SPATA31H1: variants seen among roughly 807,000 people sequenced by gnomAD.
SPATA31H1 encodes SPATA31 subfamily H member 1.
chr2:27,578,208 C>T, the SPATA31H1 span: 3 of 1,614,158 alleles, frequency 1.9e-6, no homozygotes, highest in Non-Finnish European at 2.5e-6. Flanking sequence ...GACTCCAAAA[C>T]TGCAATATGT....
the SPATA31H1 span, among the ~76,000 whole-genome samples, chr2:27,543,398 T>C: frequency 6.6e-6 from 1 of 152,194 alleles, no homozygotes; most frequent in Admixed American, 6.5e-5. Flanking sequence ...TGTCTACTTT[T>C]TCTTCTGTAA....
the SPATA31H1 span, chr2:27,572,250 C>T: frequency 5.0e-6 from 2 of 398,336 alleles, no homozygotes; most frequent in Admixed American, 4.4e-5. Context: ...CCAAGTGAAA[C>T]CCTTGGGCTC....
At chr2:27,565,883 A>T in the SPATA31H1 span, among the ~76,000 whole-genome samples, 1 of 149,638 alleles carries the variant, frequency 6.7e-6, no homozygotes, top group Non-Finnish European at 1.5e-5. Flanking sequence ...TTTTTGAAAA[A>T]TCTTGAGATG....
the SPATA31H1 span, chr2:27,565,194 T>C: frequency 1.7e-6 from 1 of 605,644 alleles, no homozygotes; most frequent in East Asian, 2.8e-5. Context: ...GGCATTTACA[T>C]GTGGTTATGG....
chr2:27,579,949 G>A, the SPATA31H1 span: 18 of 1,614,028 alleles, frequency 1.1e-5, no homozygotes, highest in South Asian at 1.8e-4. Flanking sequence ...CAGTGTGGCC[G>A]ATGTTCAGGA....
At chr2:27,579,463 C>T in the SPATA31H1 span, 3 of 1,614,186 alleles carry the variant, frequency 1.9e-6, no homozygotes, top group Non-Finnish European at 2.5e-6. Context: ...CAGAGACATA[C>T]TTTTTATCAT....
chr2:27,580,506 G>T, the SPATA31H1 span: 2 of 1,614,150 alleles, frequency 1.2e-6, no homozygotes, highest in Non-Finnish European at 1.7e-6. Context: ...AACCACAATA[G>T]AGAGTCCTTC....
At chr2:27,574,060 A>G in the SPATA31H1 span, 84,331 of 398,354 alleles carry the variant, frequency 0.21, 9,379 homozygotes, top group East Asian at 0.31. Flanking sequence ...CCATATTATG[A>G]TTTGACCACA....
chr2:27,556,507 G>A, the SPATA31H1 span, among the ~76,000 whole-genome samples: 4 of 150,988 alleles, frequency 2.6e-5, no homozygotes, highest in African/African-American at 9.8e-5. Flanking sequence ...TTCTTTCCAT[G>A]CTTCATTATG....
the SPATA31H1 span, chr2:27,577,659 G>A: frequency 6.2e-7 from 1 of 1,613,956 alleles, no homozygotes; most frequent in South Asian, 1.1e-5. The surrounding 1 kb of genome is among the most constrained non-coding windows in gnomAD (Gnocchi z 4.5). Flanking sequence ...TGAATCTGTG[G>A]AGTTGACTTC....
the SPATA31H1 span, chr2:27,574,728 G>A: frequency 2.5e-6 from 1 of 398,392 alleles, no homozygotes; most frequent in African/African-American, 2.1e-5. Flanking sequence ...GACATCTTCT[G>A]AGTTAACACC....
the SPATA31H1 span, chr2:27,566,085 G>A: frequency 1.4e-6 from 1 of 717,516 alleles, no homozygotes; most frequent in Non-Finnish European, 2.6e-6. Context: ...TTGCACTGAA[G>A]CTAACCTGAC....
chr2:27,578,286 C>A, the SPATA31H1 span: 6 of 1,614,012 alleles, frequency 3.7e-6, no homozygotes, highest in Non-Finnish European at 5.1e-6. Context: ...AATCACAAAG[C>A]CAAAACACCA....
chr2:27,568,231 T>C, the SPATA31H1 span: 1 of 399,028 alleles, frequency 2.5e-6, no homozygotes, highest in Non-Finnish European at 4.4e-6. Context: ...ATGAACACAT[T>C]GTTGAACCAT....
At chr2:27,551,049 C>T in the SPATA31H1 span, among the ~76,000 whole-genome samples, 9 of 151,816 alleles carry the variant, frequency 5.9e-5, no homozygotes, top group East Asian at 1.9e-4. Context: ...CCACCATACT[C>T]GGCTAAGTTT....
the SPATA31H1 span, among the ~76,000 whole-genome samples, chr2:27,564,778 G>A: frequency 1.3e-5 from 2 of 152,026 alleles, no homozygotes. Flanking sequence ...ACTCCAGCCT[G>A]GGCGACAGAG....
the SPATA31H1 span, chr2:27,580,695 C>G: frequency 9.9e-6 from 16 of 1,614,194 alleles, no homozygotes; most frequent in African/African-American, 2.0e-4. Context: ...TGGGCGGAAG[C>G]CTGTGGACGG....
the SPATA31H1 span, among the ~76,000 whole-genome samples, chr2:27,552,276 T>C: frequency 6.6e-6 from 1 of 152,054 alleles, no homozygotes; most frequent in African/African-American, 2.4e-5. Context: ...TTAGATGGTG[T>C]GAATTAAGAG....
the SPATA31H1 span, chr2:27,537,547 G>A: frequency 1.4e-6 from 1 of 717,370 alleles, no homozygotes; most frequent in East Asian, 2.7e-5. Flanking sequence ...CTGGAAGCAG[G>A]TGGCAGCCAA....
Sources: allele counts gnomAD v4.1 joint callset (sites outside exome capture counted in the v4.1 genomes callset), GRCh38; gene constraint gnomAD v4.1.1; non-coding constraint Gnocchi (gnomAD v3.1); transcripts MANE v1.5; gene names NCBI Gene and HGNC (gene_info 2026-07-23, HGNC 2026-07-21).